GFRA2: variants seen among roughly 807,000 people sequenced by gnomAD.
GFRA2 encodes the protein GDNF family receptor alpha 2.
Under a neutral mutation model 48.3 loss-of-function variants are expected in GFRA2, and 17 were observed. That is an observed-to-expected ratio of 0.35 (90% CI 0.24 to 0.53). The LOEUF is 0.53. Ranked by LOEUF, GFRA2 falls within the 20% of genes least tolerant of loss-of-function variation. GFRA2 has a pLI of 0.93. For missense variants in GFRA2, 660 were observed against 637.3 expected (o/e 1.04, Z -0.38); for synonymous variants, 305 against 257.2 (o/e 1.19, Z -1.78).
chr8:21,692,693 C>T lies in GFRA2; in HGVS notation c.*585G>A, dbSNP rs1424819996. On this transcript the variant is annotated 3_prime_UTR_variant, in exon 9 of 9. Transcript: ENST00000524240. The stretch of plus-strand genomic sequence containing the variant: ...CGGTGCGAACCCCCTCCACCGCCAT[C>T]CGTGGGGAAGTTCCCACACCAGCTG... 1.3e-5 allele frequency: 2 copies of T among 152,418 alleles called. No homozygotes were observed. Among genetic ancestry groups the T allele is most frequent in the Admixed American group, 6.5e-5 (1 of 15,288 alleles). The allele number at this position is 152,418 out of a possible 1,614,324, so 9.4% of individuals were successfully genotyped here. A position where few individuals can be genotyped will look rare whatever the true frequency, so the allele number is the denominator to read the frequency against.
At chr8:21,758,468 C>T (rs1383143679) in intron 3 of GFRA2, among the ~76,000 whole-genome samples, 1 of 152,122 alleles carries the variant, frequency 6.6e-6, no homozygotes, top group Non-Finnish European at 1.5e-5. Flanking sequence ...CTTCCTGCCT[C>T]CCAGGAAACT....
chr8:21,704,406 C>T (rs897502405), intron 6 of GFRA2, among the ~76,000 whole-genome samples: 4 of 152,144 alleles, frequency 2.6e-5, no homozygotes, highest in African/African-American at 9.7e-5. Flanking sequence ...TCCTCGATGA[C>T]TTGGATCCCT....
At chr8:21,798,137 G>A (rs970414158) in intron 2 of GFRA2, among the ~76,000 whole-genome samples, 57 of 152,346 alleles carry the variant, frequency 3.7e-4, no homozygotes, top group African/African-American at 1.3e-3. Flanking sequence ...GGATTCTGCA[G>A]TCTTCCCTTG....
chr8:21,747,284 T>C (rs1661823524), intron 4 of GFRA2, among the ~76,000 whole-genome samples: 1 of 152,184 alleles, frequency 6.6e-6, no homozygotes, highest in African/African-American at 2.4e-5. Flanking sequence ...ATTTGGTCCA[T>C]CAAGCCTCCC....
chr8:21,700,709 C>A (rs969850579), intron 7 of GFRA2, among the ~76,000 whole-genome samples: 1 of 152,158 alleles, frequency 6.6e-6, no homozygotes, highest in Non-Finnish European at 1.5e-5. Flanking sequence ...GCTACCATCT[C>A]TGGGGTTCCC....
At chr8:21,777,938 T>A (rs1806790040) in intron 2 of GFRA2, among the ~76,000 whole-genome samples, 4 of 152,160 alleles carry the variant, frequency 2.6e-5, no homozygotes, top group Non-Finnish European at 5.9e-5. Flanking sequence ...TCAGCAGCCA[T>A]GTCTTGCGGT....
intron 3 of GFRA2, among the ~76,000 whole-genome samples, chr8:21,766,795 A>AAAGCCACTCC: frequency 7.5e-6 from 1 of 133,034 alleles, no homozygotes; most frequent in Non-Finnish European, 1.6e-5. Flanking sequence ...CCAAAGACCC[A>AAAGCCACTCC]CACACACAAA....
chr8:21,773,562 G>C (rs1259324171), intron 3 of GFRA2, among the ~76,000 whole-genome samples: 1 of 152,130 alleles, frequency 6.6e-6, no homozygotes, highest in Non-Finnish European at 1.5e-5. Flanking sequence ...GACAAAAAGA[G>C]AAAGAAAAAG....
intron 4 of GFRA2, among the ~76,000 whole-genome samples, chr8:21,723,376 A>C (rs367742005): frequency 6.6e-6 from 1 of 152,222 alleles, no homozygotes; most frequent in South Asian, 2.1e-4. Flanking sequence ...CAAAGGAAGA[A>C]AAATCTGAGT....
At chr8:21,738,326 A>G (rs2117535450) in intron 4 of GFRA2, among the ~76,000 whole-genome samples, 1 of 150,542 alleles carries the variant, frequency 6.6e-6, no homozygotes, top group African/African-American at 2.4e-5. Context: ...CACTGTCTGC[A>G]TCCAGTGAGG....
At chr8:21,795,802 T>A (rs1283855284) in intron 2 of GFRA2, among the ~76,000 whole-genome samples, 3 of 152,180 alleles carry the variant, frequency 2.0e-5, no homozygotes, top group Non-Finnish European at 2.9e-5. Flanking sequence ...CAATTCCAAC[T>A]TGGCCTCTCT....
chr8:21,718,977 G>A (rs2117436194), intron 4 of GFRA2, among the ~76,000 whole-genome samples: 1 of 150,034 alleles, frequency 6.7e-6, no homozygotes, highest in South Asian at 2.1e-4. Context: ...CTCTCCTGCA[G>A]CCATCCAAGG....
chr8:21,703,829 C>T (rs1277733876), intron 6 of GFRA2, among the ~76,000 whole-genome samples: 2 of 152,240 alleles, frequency 1.3e-5, no homozygotes, highest in South Asian at 4.1e-4. Flanking sequence ...TGAGCAGCTA[C>T]TATGGCCTTC....
intron 4 of GFRA2, among the ~76,000 whole-genome samples, chr8:21,728,233 A>C (rs1803982672): frequency 6.9e-6 from 1 of 145,872 alleles, no homozygotes; most frequent in Non-Finnish European, 1.5e-5. Flanking sequence ...CCTACATCCA[A>C]GGATTCTGTT....
intron 4 of GFRA2, among the ~76,000 whole-genome samples, chr8:21,706,635 G>A (rs901038821): frequency 3.3e-5 from 5 of 152,158 alleles, no homozygotes; most frequent in African/African-American, 1.2e-4. Context: ...AGGCTCCTCT[G>A]CCATCCCTCC....
At chr8:21,797,475 G>C (rs1807698641) in intron 2 of GFRA2, 1 of 151,800 alleles carries the variant, frequency 6.6e-6, no homozygotes, top group Admixed American at 6.6e-5. Context: ...GGCCTGTGTT[G>C]ACATTCGTGC....
At chr8:21,779,204 A>G (rs1806854064) in intron 2 of GFRA2, among the ~76,000 whole-genome samples, 1 of 152,216 alleles carries the variant, frequency 6.6e-6, no homozygotes, top group African/African-American at 2.4e-5. Context: ...TGTCTCAAAA[A>G]ACGAGATTTG....
In GFRA2 at chr8:21,690,401, C is replaced by T. The variant is rs1801843446; in HGVS notation, c.*2877G>A. ...TCATTCACACCATTAAATTAACTAA[C>T]ATTAAGATAGCAACAATTTATTCTT... On this transcript the variant is annotated 3_prime_UTR_variant, in exon 9 of 9. Coordinates refer to ENST00000524240, the MANE Select transcript of GFRA2 (RefSeq NM_001495.5). The T allele has an allele frequency of 6.6e-6, 1 of 152,178 alleles. No homozygotes were observed. The highest frequency in any genetic ancestry group is 2.4e-5 in the African/African-American group (1 of 41,442). 9.4% of individuals were successfully genotyped at this position (152,178 alleles called of 1,614,324 possible).
chr8:21,739,524 A>C (rs754534855), intron 4 of GFRA2, among the ~76,000 whole-genome samples: 2 of 152,178 alleles, frequency 1.3e-5, no homozygotes, highest in African/African-American at 2.4e-5. Context: ...GAGAACCCTG[A>C]GATAACAGGG....
Sources: gnomAD v4.1 joint callset for allele counts (sites outside exome capture counted in the v4.1 genomes callset) on GRCh38, gnomAD v4.1.1 for gene constraint, MANE v1.5 for transcripts, NCBI Gene and HGNC (gene_info 2026-07-23, HGNC 2026-07-21) for gene names.